FMN2: variants seen among roughly 807,000 people sequenced by gnomAD.
The protein encoded by FMN2 is formin-2.
A neutral mutation model predicts 142.3 loss-of-function variants in FMN2; 51 were observed. That is an observed-to-expected ratio of 0.36 (90% confidence interval 0.29 to 0.45). FMN2 has a LOEUF of 0.45. FMN2 is among the 20% of genes least tolerant of loss of function. The pLI, the probability that FMN2 is intolerant of heterozygous loss-of-function variation, is 1.00. For missense variants in FMN2, 1,936 were observed against 2,122.8 expected (o/e 0.91, Z 1.73); for synonymous variants, 882 against 869.8 (o/e 1.01, Z -0.25).
intron 6 of FMN2, chr1:240,245,325 T>G: frequency 1.4e-5 from 5 of 365,406 alleles, no homozygotes; most frequent in South Asian, 1.0e-4. Flanking sequence ...ACTGAGATCC[T>G]AGAGGCAGAA....
At chr1:240,231,661 G>A (rs1558382516) in intron 6 of FMN2, among the ~76,000 whole-genome samples, 1 of 152,118 alleles carries the variant, frequency 6.6e-6, no homozygotes, top group Non-Finnish European at 1.5e-5. Context: ...ATAATAATTA[G>A]GTTTGAACTG....
intron 1 of FMN2, among the ~76,000 whole-genome samples, chr1:240,098,006 C>T (rs538238122): frequency 6.6e-6 from 1 of 151,216 alleles, no homozygotes; most frequent in South Asian, 2.1e-4. Context: ...GATCATTGAG[C>T]TTTTGGAGGA....
intron 7 of FMN2, among the ~76,000 whole-genome samples, chr1:240,291,663 T>G (rs1002201757): frequency 3.9e-5 from 6 of 152,174 alleles, no homozygotes; most frequent in Admixed American, 1.3e-4. Context: ...TGTACCAGGC[T>G]CTCTTGTTTC....
At chr1:240,150,838 ACTGCTGTGT>A (rs1663735416) in intron 2 of FMN2, among the ~76,000 whole-genome samples, 1 of 152,220 alleles carries the variant, frequency 6.6e-6, no homozygotes, top group Non-Finnish European at 1.5e-5. Flanking sequence ...CCTGCTCTTA[ACTGCTGTGT>A]CTATTATGCA....
intron 7 of FMN2, among the ~76,000 whole-genome samples, chr1:240,266,019 C>CCTT (rs774795131): frequency 4.1e-5 from 1 of 24,658 alleles, no homozygotes; most frequent in African/African-American, 1.6e-4. Context: ...TCTGTTACTT[C>CCTT]CTTTTTTTTT....
intron 14 of FMN2, among the ~76,000 whole-genome samples, chr1:240,357,483 T>C (rs1672309902): frequency 6.6e-6 from 1 of 152,238 alleles, no homozygotes; most frequent in African/African-American, 2.4e-5. Flanking sequence ...TAGTCATTTA[T>C]AATGATTTGA....
chr1:240,111,983 G>T (rs769694920), intron 1 of FMN2, among the ~76,000 whole-genome samples: 1 of 152,108 alleles, frequency 6.6e-6, no homozygotes, highest in African/African-American at 2.4e-5. Context: ...AAGAATGAGA[G>T]AATTCTTCAT....
chr1:240,408,746 G>A (rs1674295978), intron 15 of FMN2, among the ~76,000 whole-genome samples: 1 of 151,882 alleles, frequency 6.6e-6, no homozygotes, highest in Admixed American at 6.6e-5. Flanking sequence ...TTGATTCATA[G>A]TTTATGAATC....
intron 8 of FMN2, among the ~76,000 whole-genome samples, chr1:240,303,126 G>C (rs1670261275): frequency 6.6e-6 from 1 of 152,090 alleles, no homozygotes; most frequent in Non-Finnish European, 1.5e-5. Flanking sequence ...TGTACCCTGA[G>C]GCTGCGCTCT....
chr1:240,185,875 C>T (rs375300387), intron 3 of FMN2, among the ~76,000 whole-genome samples: 1 of 152,068 alleles, frequency 6.6e-6, no homozygotes. Flanking sequence ...AAAATGAGAG[C>T]GTTCCGGAGT....
Position 240,307,165 on chromosome 1 carries a change from T to C in FMN2, c.4215+12282T>C, listed in dbSNP as rs1054127834. On this transcript the variant is annotated intron_variant, in intron 8 of 17. Transcript: ENST00000319653. The stretch of plus-strand genomic sequence containing the variant: ...TATTAGTCCTTTGTCAGATGCATAG[T>C]TTGCAAATATTTTCTCCCATTCTGT... Among the ~76,000 whole-genome samples, 4 of 152,196 alleles carry C rather than the reference T, an allele frequency of 2.6e-5. No individual in the cohort carries two copies. In the South Asian group the frequency reaches 6.2e-4, roughly 24 times the overall value.
rs557489746 is a variant in FMN2, at chr1:240,144,291, A to T, written c.1782+20946A>T. ...TTCATGCGGGCAGAGTCCACCTGAG[A>T]GCCACTGCCCCCAAACCTGTTGTTC... On this transcript the variant is annotated intron_variant, in intron 2 of 17. Transcript: ENST00000319653. 103 of 1,605,806 alleles carry T rather than the reference A, an allele frequency of 6.4e-5. No individual in the cohort carries two copies. In the African/African-American group the frequency reaches 1.2e-3, roughly 18 times the overall value.
chr1:240,435,228 C>T (rs1255765106), intron 15 of FMN2, among the ~76,000 whole-genome samples: 1 of 148,428 alleles, frequency 6.7e-6, no homozygotes, highest in Non-Finnish European at 1.5e-5. Flanking sequence ...TCATGACAAC[C>T]TTGAAAAGCA....
intron 15 of FMN2, among the ~76,000 whole-genome samples, chr1:240,398,514 A>G (rs778863391): frequency 2.0e-5 from 3 of 152,218 alleles, no homozygotes; most frequent in Non-Finnish European, 2.9e-5. Context: ...TTAGTAAAAG[A>G]GCCATCTTTT....
intron 15 of FMN2, among the ~76,000 whole-genome samples, chr1:240,432,853 T>A (rs1261782132): frequency 1.3e-5 from 2 of 152,136 alleles, no homozygotes; most frequent in Non-Finnish European, 2.9e-5. Flanking sequence ...TTACTCTGTA[T>A]AATTTCAGTT....
chr1:240,205,085 G>T (rs946508074), intron 4 of FMN2, among the ~76,000 whole-genome samples: 3 of 152,108 alleles, frequency 2.0e-5, no homozygotes, highest in Admixed American at 6.6e-5. Context: ...TGGAGTATAA[G>T]TGTCAGCCTC....
At chr1:240,230,242 G>A (rs866837476) in intron 6 of FMN2, among the ~76,000 whole-genome samples, 3 of 129,850 alleles carry the variant, frequency 2.3e-5, no homozygotes, top group South Asian at 4.8e-4. Flanking sequence ...CAGGAGGATC[G>A]CTTAAGCCCA....
At chr1:240,276,369 T>C (rs1287005092) in intron 7 of FMN2, among the ~76,000 whole-genome samples, 1 of 152,038 alleles carries the variant, frequency 6.6e-6, no homozygotes, top group Non-Finnish European at 1.5e-5. Flanking sequence ...TGAATAATGG[T>C]GCGTGGTTAA....
At chr1:240,302,881 TA>T (rs1670250225) in intron 8 of FMN2, among the ~76,000 whole-genome samples, 2 of 152,098 alleles carry the variant, frequency 1.3e-5, no homozygotes, top group South Asian at 4.1e-4. Context: ...TTCTTTCACA[TA>T]AAAATGTTAG....
Sources: gnomAD v4.1 joint callset for allele counts (sites outside exome capture counted in the v4.1 genomes callset) on GRCh38, gnomAD v4.1.1 for gene constraint, MANE v1.5 for transcripts, NCBI Gene and HGNC (gene_info 2026-07-23, HGNC 2026-07-21) for gene names.